The following ACO2 variants were observed in gnomAD, a reference collection of about 807,000 sequenced individuals.
The protein encoded by ACO2 is aconitase 2, also known as aconitate hydratase, mitochondrial.
ACO2 carries 31 observed loss-of-function variants against 84.5 expected under a neutral mutation model. That is an observed-to-expected ratio of 0.37 (90% confidence interval 0.28 to 0.50). The LOEUF is 0.50. Ranked by LOEUF, ACO2 falls within the 20% of genes least tolerant of loss-of-function variation. The probability of loss-of-function intolerance (pLI) is 0.97; values close to 1 mark genes in which losing one functional copy is unlikely to be tolerated. For missense variants in ACO2, 685 were observed against 1,029.3 expected (o/e 0.67, Z 4.58); for synonymous variants, 414 against 412.7 (o/e 1.00, Z -0.04).
chr22:41,526,078 G>A, intron 14 of ACO2, 184 bp from the exon 15 acceptor site: 1 of 578,268 alleles, frequency 1.7e-6, no homozygotes, highest in Non-Finnish European at 3.0e-6. Context: ...GGCCTGGCCT[G>A]AGCCCATGTG....
intron 4 of ACO2, chr22:41,512,213 GCGACATGTTTCTTTC>G: frequency 2.3e-6 from 1 of 428,710 alleles, no homozygotes; most frequent in Non-Finnish European, 4.2e-6. Flanking sequence ...CATTTTAAGT[GCGACATGTTTCTTTC>G]CACATTGTCT....
intron 9 of ACO2, among the ~76,000 whole-genome samples, chr22:41,520,877 G>T (rs1157276380): frequency 6.7e-6 from 1 of 150,306 alleles, no homozygotes; most frequent in East Asian, 2.0e-4. Context: ...GTGTGGAGGC[G>T]CATGCCTATA....
chr22:41,523,022 C>G, intron 10 of ACO2, 35 bp downstream of exon 10: 1 of 1,610,852 alleles, frequency 6.2e-7, no homozygotes, highest in Non-Finnish European at 8.5e-7. Context: ...ATCTCCCCCA[C>G]CCCATGCTGA....
intron 14 of ACO2, chr22:41,526,049 A>C (rs2066587562): frequency 1.9e-6 from 1 of 513,112 alleles, no homozygotes; most frequent in East Asian, 3.1e-5. Context: ...GAGCAGCCAG[A>C]GGCCTTTGAG....
intron 1 of ACO2, among the ~76,000 whole-genome samples, chr22:41,471,100 A>G (rs1046548375): frequency 3.5e-5 from 2 of 56,692 alleles, no homozygotes; most frequent in African/African-American, 1.4e-4. Flanking sequence ...TCCTGAATCC[A>G]TTGTCCATTG....
At chr22:41,517,719 A>G (rs2066486896) in intron 7 of ACO2, 88 bp downstream of exon 7, 1 of 1,228,886 alleles carries the variant, frequency 8.1e-7, no homozygotes, top group South Asian at 1.2e-5. Flanking sequence ...CCTGTAGGGC[A>G]GGGGTTCTTA....
At chr22:41,474,383 T>TC (rs753819795) in intron 1 of ACO2, among the ~76,000 whole-genome samples, 37 of 148,204 alleles carry the variant, frequency 2.5e-4, no homozygotes, top group Non-Finnish European at 5.5e-4. Flanking sequence ...AAGCTCTGCT[T>TC]CCTGGGTTCA....
chr22:41,497,169 A>G (rs980739442), intron 1 of ACO2, among the ~76,000 whole-genome samples: 1 of 151,894 alleles, frequency 6.6e-6, no homozygotes, highest in Non-Finnish European at 1.5e-5. Context: ...CCTGGGTTCA[A>G]GCAATTCTCC....
intron 1 of ACO2, among the ~76,000 whole-genome samples, chr22:41,475,680 C>T (rs1386345652): frequency 6.6e-6 from 1 of 151,300 alleles, no homozygotes. Context: ...GGATCACAAG[C>T]TCAGGAGTTC....
chr22:41,480,718 C>T (rs1170118622), intron 1 of ACO2, among the ~76,000 whole-genome samples: 2 of 152,172 alleles, frequency 1.3e-5, no homozygotes, highest in Non-Finnish European at 2.9e-5. Flanking sequence ...CTCTTCTCCC[C>T]GTCCCAGTCC....
chr22:41,526,255 AC>A lies in ACO2; in HGVS notation c.1762-4del, dbSNP rs777598531. 2 of 1,610,012 alleles carry A rather than the reference AC, an allele frequency of 1.2e-6. No individual in the cohort carries two copies. The highest frequency in any genetic ancestry group is 4.5e-5 in the East Asian group (2 of 44,828). ...CTGACCTCTGTCCTCTCTACTTACC[AC>A]CCAAGGTCAAAGGGAAGTGTACCAC... On this transcript the variant is annotated splice_polypyrimidine_tract_variant and splice_region_variant and intron_variant, in intron 14 of 17. Coordinates refer to ENST00000216254, the MANE Select transcript of ACO2 (RefSeq NM_001098.3).
At chr22:41,527,679 C>A in intron 16 of ACO2, 2 of 795,716 alleles carry the variant, frequency 2.5e-6, no homozygotes, top group Non-Finnish European at 3.9e-6. Flanking sequence ...TCTTTCTGAT[C>A]ATGAATGTGC....
intron 1 of ACO2, 138 bp from the exon 2 acceptor site, chr22:41,499,588 T>C: frequency 1.1e-6 from 1 of 917,388 alleles, no homozygotes; most frequent in East Asian, 2.6e-5. Context: ...GTCCTGCAGA[T>C]GAGGAAGCTG....
intron 3 of ACO2, among the ~76,000 whole-genome samples, chr22:41,510,468 C>T (rs1472658350): frequency 2.0e-5 from 3 of 152,236 alleles, no homozygotes; most frequent in African/African-American, 7.2e-5. Context: ...CCTGGGGGAA[C>T]CCAGTGGGCC....
At chr22:41,512,053 C>T in intron 4 of ACO2, 85 bp downstream of exon 4, 2 of 1,066,664 alleles carry the variant, frequency 1.9e-6, no homozygotes, top group African/African-American at 1.7e-5. Context: ...GTTTGAGGCC[C>T]AGGGGGGCTG....
At chr22:41,472,777 T>G (rs1295439033) in intron 1 of ACO2, among the ~76,000 whole-genome samples, 1 of 152,080 alleles carries the variant, frequency 6.6e-6, no homozygotes, top group Admixed American at 6.6e-5. Flanking sequence ...AAAACCACAT[T>G]TATTCTCTGG....
At chr22:41,502,549 T>G (rs1467359134) in intron 2 of ACO2, among the ~76,000 whole-genome samples, 1 of 152,192 alleles carries the variant, frequency 6.6e-6, no homozygotes, top group Non-Finnish European at 1.5e-5. Flanking sequence ...GTAAAACACT[T>G]CCACCTTGCT....
chr22:41,507,923 G>A lies in ACO2; in HGVS notation c.306G>A (p.Thr102=), dbSNP rs776668867. The change falls in exon 3 of 18, where the codon ACG becomes ACA. Residue 102 remains threonine (T), a synonymous_variant. Transcript: ENST00000216254. ...ACCGTGTGGCCATGCAGGATGCGAC[G>A]GCCCAGATGGCCATGCTCCAGTTCA... ...RPDRVAMQDA[T]AQMAMLQFIS... 4 of 1,614,240 alleles carry A rather than the reference G, an allele frequency of 2.5e-6. No individual in the cohort carries two copies. Among genetic ancestry groups the A allele is most frequent in the East Asian group, 2.2e-5 (1 of 44,882 alleles).
chr22:41,511,000 C>G (rs994335641), intron 3 of ACO2, among the ~76,000 whole-genome samples: 12 of 152,096 alleles, frequency 7.9e-5, no homozygotes, highest in Admixed American at 2.6e-4. Context: ...TCAAAAAAAG[C>G]CTCTGGGGTT....
Sources: allele counts gnomAD v4.1 joint callset (sites outside exome capture counted in the v4.1 genomes callset), GRCh38; gene constraint gnomAD v4.1.1; transcripts MANE v1.5; gene names NCBI Gene and HGNC (gene_info 2026-07-23, HGNC 2026-07-21).